IL12RB2: variants seen among roughly 807,000 people sequenced by gnomAD.
IL12RB2 encodes the protein interleukin 12 receptor subunit beta 2, also known as interleukin-12 receptor subunit beta-2.
A neutral mutation model predicts 89.4 loss-of-function variants in IL12RB2; 82 were observed. The observed-to-expected ratio is 0.92, with a 90% CI of 0.77 to 1.10. IL12RB2 has a LOEUF of 1.10. Ranked by LOEUF, IL12RB2 falls within the 50% of genes least tolerant of loss-of-function variation. IL12RB2 has a pLI of 0.00. For missense variants in IL12RB2, 963 were observed against 1,031.9 expected (o/e 0.93, Z 0.92); for synonymous variants, 368 against 370.1 (o/e 0.99, Z 0.07).
chr1:67,354,269 A>C lies in IL12RB2; in HGVS notation c.1258+3180A>C, dbSNP rs147488408. On this transcript the variant is annotated intron_variant, in intron 10 of 16. Transcript: ENST00000674203. ...GCCAGGTGAGGGAGAGCAGGTGTGCAGGCGTGAGGGTTTGTTTTAAAGTGA... is the reference window on the plus strand; with the variant it reads ...GCCAGGTGAGGGAGAGCAGGTGTGCCGGCGTGAGGGTTTGTTTTAAAGTGA... Among the ~76,000 whole-genome samples the C allele has an allele frequency of 4.0e-3, 607 of 152,284 alleles. 7 individuals carry two copies. Among genetic ancestry groups the C allele is most frequent in the African/African-American group, 0.014 (587 of 41,560 alleles).
chr1:67,341,510 G>GAA (rs1659539026), intron 9 of IL12RB2, among the ~76,000 whole-genome samples: 1 of 33,522 alleles, frequency 3.0e-5, no homozygotes, highest in Non-Finnish European at 7.9e-5. Flanking sequence ...AAAGAAGAAA[G>GAA]AAGGAAAGAA....
chr1:67,320,890 G>T (rs1289150847), intron 3 of IL12RB2, among the ~76,000 whole-genome samples: 1 of 41,658 alleles, frequency 2.4e-5, no homozygotes, highest in Non-Finnish European at 4.8e-5. Context: ...CCCTCCCCCA[G>T]CCCCCACCCC....
chr1:67,308,509 G>A (rs548007964), intron 1 of IL12RB2, among the ~76,000 whole-genome samples: 3 of 152,114 alleles, frequency 2.0e-5, no homozygotes, highest in Non-Finnish European at 4.4e-5. Context: ...CCGAGTCCCT[G>A]CCTGGCCAGT....
Position 67,321,895 on chromosome 1 carries a change from C to T in IL12RB2, c.364+6C>T, listed in dbSNP as rs765844976. 6.2e-7 allele frequency: 1 copy of T among 1,611,400 alleles called. No individual in the cohort carries two copies. Among genetic ancestry groups the T allele is most frequent in the Non-Finnish European group, 8.5e-7 (1 of 1,177,508 alleles). On this transcript the variant is annotated splice_donor_region_variant and intron_variant, in intron 4 of 16. Transcript: ENST00000674203. ...AGCAGAGATCTTCGTTGGTGGTGAG[C>T]ATTCCATTTTGAATTTTTAAAACTT... is the stretch of plus-strand genomic sequence containing the variant.
chr1:67,326,722 T>G lies in IL12RB2; in HGVS notation c.365-13T>G. ...CTGTGTGATATATAAGGTTTTGTCT[T>G]TTCTTTTTAAAGTTGCTCCAGAACA... On this transcript the variant is annotated splice_polypyrimidine_tract_variant and intron_variant, in intron 4 of 16. Transcript: ENST00000674203. 1 of 1,611,680 alleles carries G rather than the reference T, an allele frequency of 6.2e-7. No individual in the cohort carries two copies. The highest frequency in any genetic ancestry group is 8.5e-7 in the Non-Finnish European group (1 of 1,178,484).
chr1:67,336,744 C>T (rs1478086059), intron 8 of IL12RB2, among the ~76,000 whole-genome samples: 1 of 152,216 alleles, frequency 6.6e-6, no homozygotes, highest in Non-Finnish European at 1.5e-5. Flanking sequence ...GAGCCAGGCA[C>T]CTGCACGGTG....
chr1:67,391,764 G>A (rs1362398742), intron 16 of IL12RB2, among the ~76,000 whole-genome samples: 1 of 151,658 alleles, frequency 6.6e-6, no homozygotes, highest in East Asian at 1.9e-4. Flanking sequence ...AGCCTCCCTA[G>A]TAGCTAGGAC....
chr1:67,386,402 T>C (rs886716066), intron 14 of IL12RB2, among the ~76,000 whole-genome samples, 177 bp from the exon 15 acceptor site: 1 of 152,056 alleles, frequency 6.6e-6, no homozygotes. Flanking sequence ...AACCATAGAA[T>C]TGGTCCCCTT....
chr1:67,351,224 C>CA (rs1553121442), intron 10 of IL12RB2, 135 bp downstream of exon 10: 32 of 1,439,326 alleles, frequency 2.2e-5, no homozygotes, highest in Non-Finnish European at 2.8e-5. Context: ...CTTTCAGAGG[C>CA]TTTTTTTTTC....
intron 8 of IL12RB2, among the ~76,000 whole-genome samples, chr1:67,336,339 A>G (rs1466940901): frequency 6.6e-5 from 10 of 152,168 alleles, no homozygotes; most frequent in Non-Finnish European, 1.2e-4. Context: ...GTTAAACGAG[A>G]TGATGTATAT....
At chr1:67,320,306 A>G (rs1656322076) in intron 2 of IL12RB2, 27 bp from the exon 3 acceptor site, 14 of 1,613,024 alleles carry the variant, frequency 8.7e-6, no homozygotes, top group African/African-American at 2.7e-5. Context: ...CATATTTAAC[A>G]TGAATGAATT....
chr1:67,334,424 T>G (rs1658489691), intron 8 of IL12RB2, among the ~76,000 whole-genome samples: 1 of 152,234 alleles, frequency 6.6e-6, no homozygotes, highest in Non-Finnish European at 1.5e-5. Context: ...AAAACTTTAT[T>G]TATGTATGCT....
intron 9 of IL12RB2, among the ~76,000 whole-genome samples, chr1:67,343,329 A>G (rs1157305935): frequency 6.6e-6 from 1 of 152,144 alleles, no homozygotes; most frequent in Non-Finnish European, 1.5e-5. Flanking sequence ...TGATCTGCCC[A>G]CCTCAACCTC....
chr1:67,338,762 CT>C, intron 9 of IL12RB2, 59 bp downstream of exon 9: 1 of 836,698 alleles, frequency 1.2e-6, no homozygotes, highest in South Asian at 1.3e-5. Context: ...AGAAAAAGAC[CT>C]ATTTGCATAG....
chr1:67,351,638 C>A (rs1384711408), intron 10 of IL12RB2, among the ~76,000 whole-genome samples: 1 of 152,084 alleles, frequency 6.6e-6, no homozygotes, highest in Non-Finnish European at 1.5e-5. Context: ...TCATCAAAAA[C>A]AAATAAATAA....
At chr1:67,334,915 A>G (rs745876882) in intron 8 of IL12RB2, among the ~76,000 whole-genome samples, 8 of 152,194 alleles carry the variant, frequency 5.3e-5, no homozygotes, top group Non-Finnish European at 1.2e-4. Flanking sequence ...CGAAAGCATC[A>G]TATTTGTGTC....
intron 14 of IL12RB2, among the ~76,000 whole-genome samples, chr1:67,386,133 C>G (rs1665108454): frequency 7.6e-6 from 1 of 132,250 alleles, no homozygotes; most frequent in East Asian, 2.5e-4. Context: ...CGCTTGAACC[C>G]GGGAGGCGGA....
intron 10 of IL12RB2, among the ~76,000 whole-genome samples, chr1:67,360,687 T>C (rs968684293): frequency 6.6e-6 from 1 of 151,788 alleles, no homozygotes. Context: ...TCCCAGCTAC[T>C]TGGGAGGCTA....
chr1:67,316,705 C>G (rs1025274569), intron 2 of IL12RB2, among the ~76,000 whole-genome samples: 1 of 152,172 alleles, frequency 6.6e-6, no homozygotes, highest in Admixed American at 6.6e-5. Flanking sequence ...GCTCGTTCCT[C>G]TGCCTCCAGG....
Sources: allele counts gnomAD v4.1 joint callset (sites outside exome capture counted in the v4.1 genomes callset), GRCh38; gene constraint gnomAD v4.1.1; transcripts MANE v1.5; gene names NCBI Gene and HGNC (gene_info 2026-07-23, HGNC 2026-07-21).